Variants in ZSCAN25 observed in about 807,000 individuals in gnomAD.
ZSCAN25 encodes the protein zinc finger and SCAN domain-containing protein 25.
Under a neutral mutation model 38.7 loss-of-function variants are expected in ZSCAN25, and 27 were observed. That is an observed-to-expected ratio of 0.70 (90% CI 0.51 to 0.96). The LOEUF (loss-of-function observed/expected upper bound fraction) is 0.96. Among genes scored for constraint, ZSCAN25 ranks in the 40% least tolerant of loss-of-function variants. ZSCAN25 has a pLI of 0.00. For synonymous variants in ZSCAN25, 273 were observed against 277.7 expected, an observed-to-expected ratio of 0.98 and a Z score of 0.17; for missense variants, 637 against 705.9, an observed-to-expected ratio of 0.90 and a Z score of 1.11.
the ZSCAN25 span, chr7:99,650,327 C>T: frequency 8.7e-7 from 1 of 1,150,150 alleles, no homozygotes; most frequent in Non-Finnish European, 1.3e-6. Flanking sequence ...CCCCCTCCAC[C>T]TCCCAACCAG....
the ZSCAN25 span, among the ~76,000 whole-genome samples, chr7:99,704,792 T>C: frequency 1.4e-4 from 21 of 152,038 alleles, no homozygotes; most frequent in African/African-American, 5.1e-4. Flanking sequence ...TGAAACTCCG[T>C]CTGTACTAAA....
chr7:99,644,656 A>T, the ZSCAN25 span, among the ~76,000 whole-genome samples: 1 of 152,154 alleles, frequency 6.6e-6, no homozygotes, highest in Non-Finnish European at 1.5e-5. Flanking sequence ...CATTTTTATG[A>T]GGCCTTTCTT....
chr7:99,697,264 AT>A, the ZSCAN25 span, among the ~76,000 whole-genome samples: 3 of 152,224 alleles, frequency 2.0e-5, no homozygotes, highest in African/African-American at 7.2e-5. Flanking sequence ...CTCATCTTTG[AT>A]GGGTCATGTA....
the ZSCAN25 span, chr7:99,652,647 A>T: frequency 6.2e-7 from 1 of 1,614,076 alleles, no homozygotes; most frequent in Middle Eastern, 1.6e-4. Context: ...TTGGGAATGA[A>T]TACCCCATTG....
chr7:99,623,938 A>T lies in ZSCAN25; in HGVS notation c.682-119A>T. 3 of 1,406,038 alleles carry T rather than the reference A, an allele frequency of 2.1e-6. No homozygotes were observed. In the South Asian group the frequency reaches 3.7e-5, roughly 17 times the overall value. 87.1% of individuals were successfully genotyped at this position (1,406,038 alleles called of 1,614,324 possible). A position where few individuals can be genotyped will look rare whatever the true frequency, so the allele number is the denominator to read the frequency against. ...CAACTGCAGTGGCTCAAACAAGTGG[A>T]TTACTCCCATTCAACTGTTGGGAGG... On this transcript the variant is annotated intron_variant, in intron 6 of 7. Coordinates refer to ENST00000394152, the MANE Select transcript of ZSCAN25 (RefSeq NM_145115.3).
the ZSCAN25 span, among the ~76,000 whole-genome samples, chr7:99,702,091 C>CTTT: frequency 1.4e-5 from 2 of 140,170 alleles, no homozygotes; most frequent in African/African-American, 5.3e-5. Context: ...AGATTTCAGT[C>CTTT]TTTTTTTTTT....
the ZSCAN25 span, among the ~76,000 whole-genome samples, chr7:99,656,413 G>T: frequency 6.6e-6 from 1 of 152,198 alleles, no homozygotes; most frequent in Non-Finnish European, 1.5e-5. Context: ...AACCAGCCTT[G>T]CATCCCAGGG....
the ZSCAN25 span, chr7:99,666,845 C>A: frequency 2.5e-6 from 4 of 1,578,906 alleles, no homozygotes; most frequent in South Asian, 4.6e-5. Context: ...TTTTAGGAAG[C>A]TCGAACTCAG....
At chr7:99,723,484 C>T in the ZSCAN25 span, among the ~76,000 whole-genome samples, 7 of 152,276 alleles carry the variant, frequency 4.6e-5, no homozygotes, top group Middle Eastern at 0.01. Flanking sequence ...GACTCCTTTT[C>T]GGACTCAGTC....
At chr7:99,705,137 A>G in the ZSCAN25 span, 1 of 250,684 alleles carries the variant, frequency 4.0e-6, no homozygotes, top group African/African-American at 2.2e-5. Flanking sequence ...TAGAGCCATC[A>G]AAATAATTCC....
At chr7:99,676,094 G>A in the ZSCAN25 span, 1 of 1,606,016 alleles carries the variant, frequency 6.2e-7, no homozygotes, top group African/African-American at 1.3e-5. Context: ...AGAAGCAAAA[G>A]AGGAAGCTCA....
the ZSCAN25 span, among the ~76,000 whole-genome samples, chr7:99,703,887 T>G: frequency 6.6e-6 from 1 of 152,020 alleles, no homozygotes; most frequent in South Asian, 2.1e-4. Flanking sequence ...GCAGGCTGTT[T>G]CCACATGAAC....
the ZSCAN25 span, among the ~76,000 whole-genome samples, chr7:99,687,885 G>T: frequency 6.6e-6 from 1 of 152,228 alleles, no homozygotes; most frequent in African/African-American, 2.4e-5. Flanking sequence ...TTAAGGGAAA[G>T]AATTTTCAAC....
chr7:99,691,178 C>T, the ZSCAN25 span, among the ~76,000 whole-genome samples: 2 of 151,594 alleles, frequency 1.3e-5, no homozygotes. Context: ...TCATTCTCAG[C>T]AAACTATCGC....
In ZSCAN25 at chr7:99,629,867, G is replaced by A; in HGVS notation, c.1482G>A (p.Arg494=). 2 of 1,614,250 alleles carry A rather than the reference G, an allele frequency of 1.2e-6. No individual in the cohort carries two copies. The highest frequency in any genetic ancestry group is 1.7e-6 in the Non-Finnish European group (2 of 1,180,046). Residue 494 remains arginine, a synonymous_variant, in exon 8 of 8, where the codon CGG becomes CGA. Transcript: ENST00000394152. The surrounding 1 kb of genome is among the most constrained non-coding windows in gnomAD (Gnocchi z 5.6). ...KPYGCQVCGK[R]FSKGERLVRH... ...ATGGGTGCCAGGTGTGCGGGAAGCGGTTCAGCAAAGGGGAGCGGCTGGTCC... is the reference window on the plus strand; with the variant it reads ...ATGGGTGCCAGGTGTGCGGGAAGCGATTCAGCAAAGGGGAGCGGCTGGTCC...
the ZSCAN25 span, among the ~76,000 whole-genome samples, chr7:99,696,542 C>T: frequency 3.4e-4 from 51 of 152,234 alleles, no homozygotes; most frequent in African/African-American, 1.2e-3. Flanking sequence ...GTCTCTGTGG[C>T]CAGATGATCT....
In ZSCAN25 at chr7:99,631,195, A is replaced by G. The variant is rs1281971012; in HGVS notation, c.*1175A>G. The G allele has an allele frequency of 4.8e-5, 47 of 985,256 alleles. No homozygotes were observed. Among genetic ancestry groups the G allele is most frequent in the Non-Finnish European group, 5.5e-5 (46 of 829,934 alleles). The allele number at this position is 985,256 out of a possible 1,614,324, so 61.0% of individuals were successfully genotyped here. A position where few individuals can be genotyped will look rare whatever the true frequency, so the allele number is the denominator to read the frequency against. On this transcript the variant is annotated 3_prime_UTR_variant, in exon 8 of 8. Coordinates refer to ENST00000394152, the MANE Select transcript of ZSCAN25 (RefSeq NM_145115.3). ...TTGTCAGCATCTTGCCCTGAAATGC[A>G]TTTGTCACCTACCTCTTGTTACTAA...
Position 99,630,699 on chromosome 7 carries a change from T to G in ZSCAN25, c.*679T>G. On this transcript the variant is annotated 3_prime_UTR_variant, in exon 8 of 8. Coordinates refer to ENST00000394152, the MANE Select transcript of ZSCAN25 (RefSeq NM_145115.3). ...GGCAACTGTGTGAATTTTACATTAT[T>G]TGGAGCCTCATCTGTGTCAGGCTAT... 1.0e-6 allele frequency: 1 copy of G among 985,472 alleles called. No individual in the cohort carries two copies. Among genetic ancestry groups the G allele is most frequent in the Non-Finnish European group, 1.2e-6 (1 of 830,010 alleles). The allele number at this position is 985,472 out of a possible 1,614,324, so 61.0% of individuals were successfully genotyped here.
the ZSCAN25 span, chr7:99,660,570 A>G: frequency 6.2e-7 from 1 of 1,613,900 alleles, no homozygotes; most frequent in Non-Finnish European, 8.5e-7. Context: ...GCCAGTTCAT[A>G]TAAAGTGAAG....
Sources: allele counts gnomAD v4.1 joint callset (sites outside exome capture counted in the v4.1 genomes callset), GRCh38; gene constraint gnomAD v4.1.1; non-coding constraint Gnocchi (gnomAD v3.1); transcripts MANE v1.5; gene names NCBI Gene and HGNC (gene_info 2026-07-23, HGNC 2026-07-21).